Variants in TECTB observed in about 807,000 individuals in gnomAD.
TECTB encodes tectorin beta.
A neutral mutation model predicts 43.3 loss-of-function variants in TECTB; 45 were observed. The observed-to-expected ratio is 1.04, with a 90% CI of 0.82 to 1.33. The LOEUF is 1.33. TECTB is among the 40% of genes most tolerant of loss of function. TECTB has a pLI of 0.00. For synonymous variants in TECTB, 169 were observed against 156.7 expected, an observed-to-expected ratio of 1.08 and a Z score of -0.59; for missense variants, 399 against 404.7, an observed-to-expected ratio of 0.99 and a Z score of 0.12.
intron 5 of TECTB, among the ~76,000 whole-genome samples, chr10:112,292,578 G>A (rs1848508232): frequency 6.6e-6 from 1 of 151,936 alleles, no homozygotes; most frequent in African/African-American, 2.4e-5. Context: ...GGGATTACAG[G>A]GACTACAGAT....
chr10:112,293,020 C>G (rs1025170084), intron 5 of TECTB, among the ~76,000 whole-genome samples: 4 of 152,204 alleles, frequency 2.6e-5, no homozygotes, highest in African/African-American at 9.7e-5. Context: ...GCAACCTGCC[C>G]TTCCTCACAC....
At chr10:112,295,518 TGGACAGGACA>T (rs1848537866) in intron 7 of TECTB, among the ~76,000 whole-genome samples, 1 of 152,224 alleles carries the variant, frequency 6.6e-6, no homozygotes, top group African/African-American at 2.4e-5. Context: ...CTGAGTGGCC[TGGACAGGACA>T]GGCTGGCCGA....
At position 112,284,596 on chromosome 10, in the gene TECTB, T is replaced by C; in HGVS notation, c.138T>C (p.Tyr46=). The change falls in exon 3 of 11, where the codon TAT becomes TAC. Residue 46 remains tyrosine, a synonymous_variant. Coordinates refer to ENST00000646139, the MANE Select transcript of TECTB (RefSeq NM_058222.3). ...TCACCAAAATCCCCGAGTGTCCCTA[T>C]GGATGGGAAGTTCATCAGCTGGCCC... ...TIITKIPECP[Y]GWEVHQLALG... 1 of 1,613,622 alleles carries C rather than the reference T, an allele frequency of 6.2e-7. No individual in the cohort carries two copies. The highest frequency in any genetic ancestry group is 8.5e-7 in the Non-Finnish European group (1 of 1,179,748).
chr10:112,292,990 C>T (rs1013747460), intron 5 of TECTB, among the ~76,000 whole-genome samples: 2 of 152,206 alleles, frequency 1.3e-5, no homozygotes, highest in Admixed American at 1.3e-4. Context: ...GAGGCCTCCC[C>T]AACCACTGTA....
At chr10:112,295,982 C>T (rs927455612) in intron 7 of TECTB, among the ~76,000 whole-genome samples, 3 of 152,188 alleles carry the variant, frequency 2.0e-5, no homozygotes, top group Non-Finnish European at 4.4e-5. Flanking sequence ...GGGAAACCCA[C>T]GGAATCTGCA....
intron 1 of TECTB, 29 bp downstream of exon 1, chr10:112,283,525 G>A (rs544133468): frequency 3.4e-5 from 19 of 563,748 alleles, no homozygotes; most frequent in Admixed American, 2.0e-4. Flanking sequence ...GCCTCTCAGC[G>A]CTAACAGGAA....
chr10:112,284,451 A>T (rs1848437927), intron 2 of TECTB, 84 bp from the exon 3 acceptor site: 1 of 1,321,188 alleles, frequency 7.6e-7, no homozygotes, highest in African/African-American at 1.5e-5. Flanking sequence ...TTGCATGCTC[A>T]GGTGTAGCTG....
Position 112,288,337 on chromosome 10 carries a change from TA to T in TECTB, c.483+1955del, listed in dbSNP as rs146764105. Among the ~76,000 whole-genome samples the T allele has an allele frequency of 3.5e-4, 52 of 150,396 alleles. 1 individual carries two copies. Among genetic ancestry groups the T allele is most frequent in the Middle Eastern group, 6.9e-3 (2 of 290 alleles). The stretch of plus-strand genomic sequence containing the variant: ...TAGAACTGGAATGAGCTTATTTTCT[TA>T]AAAAAAAATAATAATAATAAGAGAC... On this transcript the variant is annotated intron_variant, in intron 5 of 10. Transcript: ENST00000646139.
At chr10:112,300,931 T>C (rs1471402268) in intron 9 of TECTB, among the ~76,000 whole-genome samples, 1 of 152,162 alleles carries the variant, frequency 6.6e-6, no homozygotes, top group Non-Finnish European at 1.5e-5. Context: ...TAGTGTGACA[T>C]GAAGGGTGGG....
chr10:112,289,834 G>A (rs993563902), intron 5 of TECTB, among the ~76,000 whole-genome samples: 1 of 152,286 alleles, frequency 6.6e-6, no homozygotes, highest in African/African-American at 2.4e-5. Flanking sequence ...CTCTAGGAAT[G>A]TGTCCTAGGA....
intron 1 of TECTB, 63 bp downstream of exon 1, chr10:112,283,559 G>T: frequency 1.6e-6 from 1 of 612,450 alleles, no homozygotes. Context: ...ACACAACATC[G>T]TTTATCTCCC....
chr10:112,298,081 T>C lies in TECTB; in HGVS notation c.684T>C (p.Asp228=), dbSNP rs754283862. The C allele has an allele frequency of 9.3e-6, 15 of 1,614,078 alleles. No individual in the cohort carries two copies. Among genetic ancestry groups the C allele is most frequent in the African/African-American group, 2.7e-5 (2 of 74,946 alleles). The change falls in exon 8 of 11, where the codon GAT becomes GAC. Residue 228 remains aspartate (D), a synonymous_variant. Coordinates refer to ENST00000646139, the MANE Select transcript of TECTB (RefSeq NM_058222.3). ...CCATCTGCCTCAGCTGCCCCACGGA[T>C]GAAACCGTCCTCGTGCATGAGAATG... ...WQLINKGCPT[D]ETVLVHENGR... is the part of the protein sequence containing the mutation.
intron 9 of TECTB, among the ~76,000 whole-genome samples, chr10:112,300,904 A>T (rs766106827): frequency 8.5e-5 from 13 of 152,232 alleles, no homozygotes; most frequent in Non-Finnish European, 1.3e-4. Flanking sequence ...GACAATCTCC[A>T]AGTGAGACCT....
At chr10:112,292,732 C>A (rs1848509396) in intron 5 of TECTB, among the ~76,000 whole-genome samples, 1 of 152,194 alleles carries the variant, frequency 6.6e-6, no homozygotes, top group Non-Finnish European at 1.5e-5. Flanking sequence ...GTGTGAGCCA[C>A]AGCGCCCAGC....
rs772524537 is a variant in TECTB at position 112,286,365 on chromosome 10, A to G, written c.457A>G (p.Ser153Gly). The change falls in exon 5 of 11, where the codon AGC becomes GGC. Residue 153 changes from serine (S) to glycine (G), a missense_variant. Physicochemically the swap from Ser to Gly is moderately conservative, Grantham distance 56. Coordinates refer to ENST00000646139, the MANE Select transcript of TECTB (RefSeq NM_058222.3). ...VKNGSMGTFE[S>G]QLSLNFYTNA... ...GAACGGGAGCATGGGCACATTTGAG[A>G]GCCAACTGTCTCTCAACTTCTACAC... The G allele has an allele frequency of 8.1e-6, 13 of 1,609,716 alleles. No individual in the cohort carries two copies. The highest frequency in any genetic ancestry group is 2.2e-5 in the East Asian group (1 of 44,736).
At chr10:112,285,209 C>T (rs565694508) in intron 3 of TECTB, among the ~76,000 whole-genome samples, 25 of 152,328 alleles carry the variant, frequency 1.6e-4, no homozygotes, top group African/African-American at 4.6e-4. Context: ...AGGAAACAGA[C>T]GCCCTCTTAC....
chr10:112,289,791 C>T (rs1049015014), intron 5 of TECTB, among the ~76,000 whole-genome samples: 8 of 152,108 alleles, frequency 5.3e-5, no homozygotes, highest in African/African-American at 1.7e-4. Flanking sequence ...CAGGCCATCA[C>T]GGGTCAGAGG....
chr10:112,283,570 T>C lies in TECTB; in HGVS notation c.-88+74T>C, dbSNP rs952141352. The C allele has an allele frequency of 1.7e-5, 11 of 643,766 alleles. No homozygotes were observed. The Admixed American group carries it at 2.8e-4, about 17-fold the overall frequency. 39.9% of individuals were successfully genotyped at this position (643,766 alleles called of 1,614,324 possible). On this transcript the variant is annotated intron_variant, in intron 1 of 10. Coordinates refer to ENST00000646139, the MANE Select transcript of TECTB (RefSeq NM_058222.3). Reference sequence around the variant, plus strand: ...AACGACACAACATCGTTTATCTCCCTTGAAAATTTCCCCAAGACTGTATGT... The same window carrying C: ...AACGACACAACATCGTTTATCTCCCCTGAAAATTTCCCCAAGACTGTATGT...
chr10:112,290,131 A>C (rs1230169700), intron 5 of TECTB, among the ~76,000 whole-genome samples: 7 of 152,160 alleles, frequency 4.6e-5, no homozygotes, highest in African/African-American at 1.7e-4. Context: ...GCATGATGAA[A>C]TCTTGCACCG....
Sources: allele counts gnomAD v4.1 joint callset (sites outside exome capture counted in the v4.1 genomes callset), GRCh38; gene constraint gnomAD v4.1.1; transcripts MANE v1.5; gene names NCBI Gene and HGNC (gene_info 2026-07-23, HGNC 2026-07-21).